Variants in BCAS3 observed in about 807,000 individuals in gnomAD.
The protein encoded by BCAS3 is BCAS4/BCAS3 fusion.
Under a neutral mutation model 116.1 loss-of-function variants are expected in BCAS3, and 53 were observed. The observed-to-expected ratio is 0.46, with a 90% CI of 0.37 to 0.57. The LOEUF (loss-of-function observed/expected upper bound fraction) is 0.57. Ranked by LOEUF, BCAS3 falls within the 20% of genes least tolerant of loss-of-function variation. The probability of loss-of-function intolerance (pLI) is 0.00; values close to 1 mark genes in which losing one functional copy is unlikely to be tolerated. For synonymous variants in BCAS3, 391 were observed against 408.2 expected, an observed-to-expected ratio of 0.96 and a Z score of 0.51; for missense variants, 917 against 1,165.4, an observed-to-expected ratio of 0.79 and a Z score of 3.10.
At chr17:61,329,489 C>T (rs1235916297) in intron 22 of BCAS3, among the ~76,000 whole-genome samples, 15 of 151,962 alleles carry the variant, frequency 9.9e-5, no homozygotes, top group Middle Eastern at 3.4e-3. Flanking sequence ...TACAGGCGCC[C>T]GCCACCACGC....
chr17:61,210,220 T>C (rs1204005460), intron 22 of BCAS3, among the ~76,000 whole-genome samples: 3 of 152,210 alleles, frequency 2.0e-5, no homozygotes, highest in Non-Finnish European at 4.4e-5. Flanking sequence ...ATTGACCTGA[T>C]ATGTGCTCAC....
intron 6 of BCAS3, among the ~76,000 whole-genome samples, chr17:60,794,222 A>G (rs2047021413): frequency 6.6e-6 from 1 of 152,164 alleles, no homozygotes. Flanking sequence ...AGAACTGTCT[A>G]TTCATGTCCT....
At chr17:60,833,603 G>A (rs2051125230) in intron 7 of BCAS3, among the ~76,000 whole-genome samples, 1 of 152,122 alleles carries the variant, frequency 6.6e-6, no homozygotes, top group African/African-American at 2.4e-5. Context: ...GTAGTTTTGT[G>A]AATTGTGAAT....
intron 5 of BCAS3, chr17:60,709,628 A>G: frequency 1.7e-5 from 5 of 288,360 alleles, no homozygotes; most frequent in South Asian, 9.6e-5. Flanking sequence ...ACCTCAGGTG[A>G]TCCATCTGCC....
intron 7 of BCAS3, among the ~76,000 whole-genome samples, chr17:60,826,593 A>C (rs1236406306): frequency 1.3e-5 from 2 of 152,166 alleles, no homozygotes; most frequent in Non-Finnish European, 2.9e-5. Context: ...TCTGATTCTA[A>C]ACTTAAGAAT....
At chr17:60,942,954 C>A (rs1458044089) in intron 13 of BCAS3, among the ~76,000 whole-genome samples, 1 of 152,048 alleles carries the variant, frequency 6.6e-6, no homozygotes, top group Non-Finnish European at 1.5e-5. Context: ...GTATTATAAT[C>A]TCTGGAACAA....
intron 22 of BCAS3, among the ~76,000 whole-genome samples, chr17:61,308,481 C>T (rs999745114): frequency 6.6e-5 from 10 of 150,912 alleles, no homozygotes; most frequent in African/African-American, 2.4e-4. Flanking sequence ...TCTCTAAACA[C>T]ATGCTTACAA....
In BCAS3 at chr17:61,332,511, C is replaced by T. The variant is rs1191813284; in HGVS notation, c.2426-35816C>T. On this transcript the variant is annotated intron_variant, in intron 22 of 23. Coordinates refer to ENST00000407086, the MANE Select transcript of BCAS3 (RefSeq NM_017679.5). The surrounding 1 kb of genome is among the most constrained non-coding windows in gnomAD (Gnocchi z 5.4). ...AATTTGACAGCAAGAAAAGAATCTCCTAAAGAGACTGTTGCAGTTTTACAG... is the reference window on the plus strand; with the variant it reads ...AATTTGACAGCAAGAAAAGAATCTCTTAAAGAGACTGTTGCAGTTTTACAG... 6.6e-6 allele frequency among the ~76,000 whole-genome samples: 1 copy of T among 152,166 alleles called. No homozygotes were observed. The highest frequency in any genetic ancestry group is 1.5e-5 in the Non-Finnish European group (1 of 68,020).
chr17:61,383,785 G>A (rs1603209873), intron 23 of BCAS3: 1 of 152,260 alleles, frequency 6.6e-6, no homozygotes, highest in South Asian at 2.1e-4. Flanking sequence ...GCGTCGTAGG[G>A]AATTTAATTA....
At chr17:60,829,911 A>T (rs1409491205) in intron 7 of BCAS3, among the ~76,000 whole-genome samples, 2 of 152,120 alleles carry the variant, frequency 1.3e-5, no homozygotes, top group Non-Finnish European at 2.9e-5. Context: ...CTTTTTCTCC[A>T]CTGGTAGCTA....
At chr17:61,187,791 C>T (rs2079867029) in intron 22 of BCAS3, among the ~76,000 whole-genome samples, 1 of 152,092 alleles carries the variant, frequency 6.6e-6, no homozygotes, top group South Asian at 2.1e-4. Context: ...GGGTCATTTG[C>T]TATTAACCTA....
At position 61,288,698 on chromosome 17, in the gene BCAS3, A is replaced by G. The variant is rs115394804; in HGVS notation, c.2426-79629A>G. 4.4e-3 allele frequency among the ~76,000 whole-genome samples: 677 copies of G among 152,238 alleles called. 6 individuals are homozygous for G. Among genetic ancestry groups the G allele is most frequent in the African/African-American group, 0.016 (654 of 41,546 alleles). The stretch of plus-strand genomic sequence containing the variant: ...AAGATATGGCGCACTGAAGGACTGG[A>G]AATTTTCTTGACAGTTTTTAATGCA... On this transcript the variant is annotated intron_variant, in intron 22 of 23. Coordinates refer to ENST00000407086, the MANE Select transcript of BCAS3 (RefSeq NM_017679.5).
chr17:61,034,914 A>G lies in BCAS3; in HGVS notation c.1762+124A>G. On this transcript the variant is annotated intron_variant, in intron 17 of 23. Transcript: ENST00000407086. This position sits in a 1 kb window ranked among gnomAD's most constrained non-coding sequence, Gnocchi z 5.0. ...TCTGGAAACCAATTTTTTTAATGTA[A>G]TTAGCATGTCACTTCTCAACTACTC... 3.5e-6 allele frequency: 3 copies of G among 855,898 alleles called. No individual in the cohort carries two copies. Among genetic ancestry groups the G allele is most frequent in the Non-Finnish European group, 5.3e-6 (3 of 561,398 alleles). 53.0% of individuals were successfully genotyped at this position (855,898 alleles called of 1,614,324 possible). A position where few individuals can be genotyped will look rare whatever the true frequency, so the allele number is the denominator to read the frequency against.
At chr17:61,287,374 C>G (rs1336036276) in intron 22 of BCAS3, among the ~76,000 whole-genome samples, 1 of 151,974 alleles carries the variant, frequency 6.6e-6, no homozygotes, top group Admixed American at 6.6e-5. Context: ...AATTGTCTGC[C>G]ATACTGCATT....
Position 61,151,281 on chromosome 17 carries a change from A to T in BCAS3, c.2425+66717A>T, listed in dbSNP as rs181734002. ...TTCTCAACCAGTAAGTATATAATGC[A>T]AATATTCTAAGATCTGAAAAAATTC... is the stretch of plus-strand genomic sequence containing the variant. On this transcript the variant is annotated intron_variant, in intron 22 of 23. Transcript: ENST00000407086. The surrounding 1 kb of genome is among the most constrained non-coding windows in gnomAD (Gnocchi z 4.8). 2.6e-4 allele frequency among the ~76,000 whole-genome samples: 40 copies of T among 152,266 alleles called. No homozygotes were observed. In the East Asian group the frequency reaches 7.7e-3, roughly 29 times the overall value.
chr17:60,945,563 G>A (rs2060441439), intron 13 of BCAS3, among the ~76,000 whole-genome samples: 1 of 152,210 alleles, frequency 6.6e-6, no homozygotes, highest in Non-Finnish European at 1.5e-5. Context: ...CACTTTGGGA[G>A]GCTGAGGTAG....
chr17:60,935,860 C>CTT (rs963046969), intron 13 of BCAS3, among the ~76,000 whole-genome samples: 1 of 144,852 alleles, frequency 6.9e-6, no homozygotes, highest in Non-Finnish European at 1.5e-5. Context: ...ACTCACTGAC[C>CTT]TTTTTTTTTT....
chr17:60,920,707 A>G (rs1293995239), intron 12 of BCAS3, among the ~76,000 whole-genome samples: 1 of 152,126 alleles, frequency 6.6e-6, no homozygotes, highest in Non-Finnish European at 1.5e-5. Flanking sequence ...CGTCTCTACT[A>G]AAAACACAAA....
In BCAS3 at chr17:61,177,403, G is replaced by A. The variant is rs187519936; in HGVS notation, c.2425+92839G>A. On this transcript the variant is annotated intron_variant, in intron 22 of 23. Transcript: ENST00000407086. Reference sequence around the variant, plus strand: ...ATAGGAATGAGTTCTTGATAAATGCGATAATATGGGTGGATCTCAAATAAG... The same window carrying A: ...ATAGGAATGAGTTCTTGATAAATGCAATAATATGGGTGGATCTCAAATAAG... Among the ~76,000 whole-genome samples, 38 of 152,312 alleles carry A rather than the reference G, an allele frequency of 2.5e-4. No individual in the cohort carries two copies. In the East Asian group the frequency reaches 5.8e-3, roughly 23 times the overall value.
Sources: allele counts gnomAD v4.1 joint callset (sites outside exome capture counted in the v4.1 genomes callset), GRCh38; gene constraint gnomAD v4.1.1; non-coding constraint Gnocchi (gnomAD v3.1); transcripts MANE v1.5; gene names NCBI Gene and HGNC (gene_info 2026-07-23, HGNC 2026-07-21).